PLIN2: variants seen among roughly 807,000 people sequenced by gnomAD.
The protein encoded by PLIN2 is perilipin 2, also known as perilipin-2.
In PLIN2, 33 loss-of-function variants were observed where a neutral mutation model predicts 30.6. The ratio of observed to expected loss-of-function variants is 1.08; its 90% CI spans 0.82 to 1.44. PLIN2 has a LOEUF of 1.44. PLIN2 is among the 40% of genes most tolerant of loss of function. PLIN2 has a pLI of 0.00. For synonymous variants in PLIN2, 205 were observed against 201.1 expected (o/e 1.02, Z -0.16); for missense variants, 610 against 531.8 (o/e 1.15, Z -1.45).
intron 3 of PLIN2, chr9:19,125,740 T>C (rs1352044968): frequency 1.7e-5 from 3 of 171,540 alleles, no homozygotes; most frequent in African/African-American, 4.8e-5. Flanking sequence ...CTGGCCAATA[T>C]TGTGAAACCG....
intron 3 of PLIN2, 58 bp downstream of exon 3, chr9:19,126,056 C>A: frequency 6.9e-7 from 1 of 1,450,864 alleles, no homozygotes. Context: ...CTGCTGTGAG[C>A]TCAGGGGCTC....
At chr9:19,114,000 C>G (rs927632009), downstream of PLIN2, among the ~76,000 whole-genome samples, 1 of 152,074 alleles carries the variant, frequency 6.6e-6, no homozygotes, top group South Asian at 2.1e-4. Flanking sequence ...CCACTGTTGG[C>G]CTCTCCTGAC....
At chr9:19,122,185 C>T (rs1299690652) in intron 4 of PLIN2, among the ~76,000 whole-genome samples, 2 of 150,498 alleles carry the variant, frequency 1.3e-5, no homozygotes, top group Non-Finnish European at 3.0e-5. Flanking sequence ...GAAAATAACT[C>T]TCACCATTAG....
In PLIN2 at chr9:19,119,844, A is replaced by C. The variant is rs752871262; in HGVS notation, c.596-13T>G. The C allele has an allele frequency of 6.5e-7, 1 of 1,546,850 alleles. No individual in the cohort carries two copies. The highest frequency in any genetic ancestry group is 1.4e-5 in the African/African-American group (1 of 72,712). On this transcript the variant is annotated splice_polypyrimidine_tract_variant and intron_variant, in intron 5 of 7. Coordinates refer to ENST00000276914, the MANE Select transcript of PLIN2 (RefSeq NM_001122.4). ...TTTGCTTCTTTTTCTGAAGTTAGAA[A>C]TAAGAGACAAAAAAACTTAAGGGAT...
downstream of PLIN2, among the ~76,000 whole-genome samples, chr9:19,114,444 G>A (rs1818194921): frequency 6.6e-6 from 1 of 151,340 alleles, no homozygotes; most frequent in Non-Finnish European, 1.5e-5. Context: ...TCACTCTGTT[G>A]CTCAGGTTGG....
chr9:19,118,483 A>G (rs770896246), intron 6 of PLIN2, 28 bp from the exon 7 acceptor site: 8 of 1,603,594 alleles, frequency 5.0e-6, no homozygotes, highest in Non-Finnish European at 6.0e-6. Flanking sequence ...AGACAAAGGA[A>G]CACACAAGTC....
At chr9:19,118,068 T>C (rs997607923) in intron 7 of PLIN2, among the ~76,000 whole-genome samples, 6 of 152,196 alleles carry the variant, frequency 3.9e-5, no homozygotes, top group Non-Finnish European at 7.3e-5. Flanking sequence ...CTGTACCCAT[T>C]ATGAGGGCAA....
downstream of PLIN2, among the ~76,000 whole-genome samples, chr9:19,111,204 A>G (rs985558717): frequency 1.3e-5 from 2 of 152,062 alleles, no homozygotes; most frequent in African/African-American, 4.8e-5. Context: ...GCGAGCCACA[A>G]TGCCCAGCTA....
At chr9:19,116,681 C>CCAA in intron 7 of PLIN2, 32 bp from the exon 8 acceptor site, 1 of 1,581,702 alleles carries the variant, frequency 6.3e-7, no homozygotes, top group Non-Finnish European at 8.6e-7. Context: ...AGCAGTGGAT[C>CCAA]CAACAGTGCT....
chr9:19,126,859 T>C (rs1003739291), intron 1 of PLIN2, among the ~76,000 whole-genome samples: 1 of 152,008 alleles, frequency 6.6e-6, no homozygotes, highest in Non-Finnish European at 1.5e-5. Context: ...CTGACCAACG[T>C]GGTGAAACCC....
chr9:19,126,487 ACT>A (rs1191522558), intron 1 of PLIN2, 39 bp from the exon 2 acceptor site: 3 of 1,306,826 alleles, frequency 2.3e-6, no homozygotes, highest in African/African-American at 1.5e-5. Context: ...CCGGGATAAG[ACT>A]CTCCCAAATT....
chr9:19,123,490 G>A (rs749988327), intron 4 of PLIN2, 75 bp downstream of exon 4: 1 of 1,608,794 alleles, frequency 6.2e-7, no homozygotes, highest in Non-Finnish European at 8.5e-7. Context: ...TTTGTGATAT[G>A]TACAGCTTGT....
intron 1 of PLIN2, among the ~76,000 whole-genome samples, chr9:19,126,753 C>G (rs1458604123): frequency 1.3e-5 from 2 of 152,270 alleles, no homozygotes; most frequent in African/African-American, 4.8e-5. Context: ...AACAAAAATG[C>G]TAGCCAAGCC....
downstream of PLIN2, among the ~76,000 whole-genome samples, chr9:19,111,124 C>G (rs1322029561): frequency 6.6e-6 from 1 of 151,830 alleles, no homozygotes; most frequent in African/African-American, 2.4e-5. Flanking sequence ...GTGATGCCAT[C>G]TTGGCTCACT....
chr9:19,112,654 G>C (rs1320701929), downstream of PLIN2, among the ~76,000 whole-genome samples: 1 of 143,044 alleles, frequency 7.0e-6, no homozygotes, highest in Non-Finnish European at 1.5e-5. Context: ...CTTGCAGTGA[G>C]CCAATCACAC....
chr9:19,117,055 T>C (rs1818239481), intron 7 of PLIN2, among the ~76,000 whole-genome samples: 1 of 152,226 alleles, frequency 6.6e-6, no homozygotes, highest in Admixed American at 6.6e-5. Flanking sequence ...TTCAGAGCTT[T>C]TGGGACACAA....
chr9:19,123,569 GT>G lies in PLIN2; in HGVS notation c.304del (p.Thr102LeufsTer11), dbSNP rs1418031183. 6.2e-7 allele frequency: 1 copy of G among 1,614,248 alleles called. No individual in the cohort carries two copies. Among genetic ancestry groups the G allele is most frequent in the Non-Finnish European group, 8.5e-7 (1 of 1,180,040 alleles). ...GCACTTTTGTCCCAAGCTCACCTGA[GT>G]TGATGGCTGATTCAGAATAGGCAGT... Reference protein sequence around the residue: ...ERLPILNQPSTQIVANAKGAV... With the variant: ...ERLPILNQPSXQIVANAKGAV... On this transcript the variant is annotated frameshift_variant, in exon 4 of 8. Coordinates refer to ENST00000276914, the MANE Select transcript of PLIN2 (RefSeq NM_001122.4). LOFTEE classifies it high-confidence loss of function.
At chr9:19,120,152 G>A (rs1164207872) in intron 5 of PLIN2, among the ~76,000 whole-genome samples, 1 of 151,376 alleles carries the variant, frequency 6.6e-6, no homozygotes, top group African/African-American at 2.4e-5. Flanking sequence ...TCAACCTCCC[G>A]AGCTCAACTG....
intron 7 of PLIN2, 81 bp from the exon 8 acceptor site, chr9:19,116,730 G>T: frequency 8.6e-7 from 1 of 1,158,148 alleles, no homozygotes; most frequent in Non-Finnish European, 1.2e-6. Flanking sequence ...CTGGTTATGT[G>T]TCCACCACAT....
Sources: gnomAD v4.1 joint callset for allele counts (sites outside exome capture counted in the v4.1 genomes callset) on GRCh38, gnomAD v4.1.1 for gene constraint, MANE v1.5 for transcripts, NCBI Gene and HGNC (gene_info 2026-07-23, HGNC 2026-07-21) for gene names.